Variants in STK39 observed in about 807,000 individuals in gnomAD.
The protein encoded by STK39 is serine/threonine kinase 39.
Under a neutral mutation model 77.8 loss-of-function variants are expected in STK39, and 20 were observed. That is an observed-to-expected ratio of 0.26 (90% CI 0.18 to 0.37). The LOEUF is 0.37. STK39 is among the 10% of genes least tolerant of loss of function. The pLI is 1.00. For missense variants in STK39, 479 were observed against 656.5 expected (o/e 0.73, Z 2.95); for synonymous variants, 246 against 234.1 (o/e 1.05, Z -0.47).
intron 10 of STK39, among the ~76,000 whole-genome samples, chr2:168,076,989 C>A (rs554653327): frequency 6.6e-6 from 1 of 152,124 alleles, no homozygotes; most frequent in Non-Finnish European, 1.5e-5. Context: ...TTGACATATA[C>A]AATAAAATTA....
intron 5 of STK39, among the ~76,000 whole-genome samples, chr2:168,144,192 G>C (rs920395687): frequency 2.0e-4 from 30 of 152,208 alleles, no homozygotes; most frequent in Admixed American, 2.0e-3. Context: ...CAAGATCTGA[G>C]TGTTAACAGT....
At chr2:167,964,601 A>C (rs1692095054) in intron 17 of STK39, 61 bp downstream of exon 17, 1 of 1,400,592 alleles carries the variant, frequency 7.1e-7, no homozygotes, top group East Asian at 2.3e-5. Context: ...CTAGATTATT[A>C]TTCCCTGCTG....
chr2:168,038,193 C>A (rs561276719), intron 14 of STK39, among the ~76,000 whole-genome samples: 2 of 151,736 alleles, frequency 1.3e-5, no homozygotes, highest in Non-Finnish European at 2.9e-5. Context: ...GAAGAAAGAA[C>A]AAAATGTTAA....
At chr2:168,129,501 G>A in intron 10 of STK39, 40 bp downstream of exon 10, 1 of 1,608,074 alleles carries the variant, frequency 6.2e-7, no homozygotes, top group East Asian at 2.2e-5. Flanking sequence ...TTTCCCTGGG[G>A]ATTGGTTCCT....
Position 168,161,748 on chromosome 2 carries a change from C to A in STK39, c.628+39G>T, listed in dbSNP as rs199685150. 6.4e-5 allele frequency: 94 copies of A among 1,478,614 alleles called. No individual in the cohort carries two copies. The Admixed American group carries it at 1.7e-3, about 27-fold the overall frequency. The allele number at this position is 1,478,614 out of a possible 1,614,324, so 91.6% of individuals were successfully genotyped here. A position where few individuals can be genotyped will look rare whatever the true frequency, so the allele number is the denominator to read the frequency against. On this transcript the variant is annotated intron_variant, in intron 5 of 17. Coordinates refer to ENST00000355999, the MANE Select transcript of STK39 (RefSeq NM_013233.3). ...ACATTCCTTGAAACTGTAACACTTC[C>A]GTAATCAAGTAAAAAATTTTTCTAT...
At chr2:168,116,448 C>T (rs1295594080) in intron 10 of STK39, among the ~76,000 whole-genome samples, 1 of 151,876 alleles carries the variant, frequency 6.6e-6, no homozygotes, top group East Asian at 1.9e-4. Context: ...TAATCGAGTC[C>T]CTTGAATTTT....
At chr2:167,960,778 C>G (rs1442766307) in intron 17 of STK39, among the ~76,000 whole-genome samples, 1 of 152,126 alleles carries the variant, frequency 6.6e-6, no homozygotes, top group East Asian at 1.9e-4. Flanking sequence ...TGCCCCCACC[C>G]CCCCACCATA....
intron 16 of STK39, among the ~76,000 whole-genome samples, chr2:167,993,203 G>A (rs1354521252): frequency 6.6e-6 from 1 of 152,222 alleles, no homozygotes; most frequent in Non-Finnish European, 1.5e-5. Context: ...CTGGCAGTGT[G>A]CATGCATTAC....
chr2:168,210,299 A>T (rs1361839686), intron 1 of STK39, among the ~76,000 whole-genome samples: 2 of 152,232 alleles, frequency 1.3e-5, no homozygotes. Flanking sequence ...ATTGCAATGC[A>T]AATATCAAAA....
chr2:168,129,784 T>C, intron 8 of STK39, 26 bp from the exon 9 acceptor site: 1 of 1,611,974 alleles, frequency 6.2e-7, no homozygotes, highest in Non-Finnish European at 8.5e-7. Flanking sequence ...TAAATTAGAG[T>C]TGAAACAATG....
At chr2:167,966,515 C>T (rs1692163991) in intron 16 of STK39, among the ~76,000 whole-genome samples, 1 of 152,182 alleles carries the variant, frequency 6.6e-6, no homozygotes, top group Non-Finnish European at 1.5e-5. Flanking sequence ...GGATGATTTA[C>T]TGCCTTGTTC....
chr2:168,002,142 T>G (rs564406113), intron 16 of STK39, among the ~76,000 whole-genome samples: 1 of 152,364 alleles, frequency 6.6e-6, no homozygotes, highest in Admixed American at 6.5e-5. Context: ...CAAGTGAAGT[T>G]AAGTACAGGT....
chr2:168,213,042 G>T (rs558819673), intron 1 of STK39, among the ~76,000 whole-genome samples: 2 of 152,316 alleles, frequency 1.3e-5, no homozygotes, highest in South Asian at 4.1e-4. Flanking sequence ...GTGTCTCCCA[G>T]TGACTCGACC....
intron 14 of STK39, among the ~76,000 whole-genome samples, chr2:168,056,688 A>G (rs560818400): frequency 2.1e-4 from 32 of 152,334 alleles, no homozygotes; most frequent in Non-Finnish European, 3.4e-4. Context: ...ATGCAGGCGT[A>G]TATGTGTGTG....
chr2:168,011,329 C>T (rs1684265482), intron 16 of STK39, among the ~76,000 whole-genome samples: 1 of 151,566 alleles, frequency 6.6e-6, no homozygotes, highest in South Asian at 2.1e-4. Context: ...CAAACATAAA[C>T]CATATCATTT....
At chr2:168,230,112 T>C (rs928591335) in intron 1 of STK39, among the ~76,000 whole-genome samples, 5 of 152,206 alleles carry the variant, frequency 3.3e-5, no homozygotes, top group African/African-American at 1.2e-4. Context: ...TGTGCTAAAT[T>C]GAGCTGCTGT....
intron 14 of STK39, among the ~76,000 whole-genome samples, chr2:168,027,078 T>C (rs1684716747): frequency 6.6e-6 from 1 of 152,186 alleles, no homozygotes; most frequent in Non-Finnish European, 1.5e-5. Context: ...AAAGAACCAC[T>C]GAGTTTGTTG....
chr2:168,083,068 A>C (rs1275257551), intron 10 of STK39, among the ~76,000 whole-genome samples: 2 of 152,210 alleles, frequency 1.3e-5, no homozygotes, highest in Admixed American at 1.3e-4. Flanking sequence ...TTATCTATTT[A>C]TAATCCAGCC....
At chr2:168,167,535 C>T (rs769080384) in intron 2 of STK39, 128 bp from the exon 3 acceptor site, 24 of 713,760 alleles carry the variant, frequency 3.4e-5, no homozygotes, top group Non-Finnish European at 1.2e-5. Context: ...CTGCCTAAGC[C>T]ATTACTTCAA....
Sources: gnomAD v4.1 joint callset for allele counts (sites outside exome capture counted in the v4.1 genomes callset) on GRCh38, gnomAD v4.1.1 for gene constraint, MANE v1.5 for transcripts, NCBI Gene and HGNC (gene_info 2026-07-23, HGNC 2026-07-21) for gene names.